PCDHA12: variants seen among roughly 807,000 people sequenced by gnomAD.
PCDHA12 encodes the protein protocadherin alpha 12, also known as protocadherin alpha-12.
PCDHA12 carries 44 observed loss-of-function variants against 60.0 expected under a neutral mutation model. That is an observed-to-expected ratio of 0.73 (90% CI 0.58 to 0.94). The LOEUF (loss-of-function observed/expected upper bound fraction) is 0.94. PCDHA12 is among the 40% of genes least tolerant of loss of function. The pLI, the probability that PCDHA12 is intolerant of heterozygous loss-of-function variation, is 0.00. For synonymous variants in PCDHA12, 569 were observed against 553.0 expected (o/e 1.03, Z -0.40); for missense variants, 1,276 against 1,239.7 (o/e 1.03, Z -0.44).
rs782362312 is a variant in PCDHA12 at position 140,884,131 on chromosome 5, G to T, written c.2367+6292G>T. 4 of 1,613,396 alleles carry T rather than the reference G, an allele frequency of 2.5e-6. No individual in the cohort carries two copies. In the South Asian group the frequency reaches 3.3e-5, roughly 13 times the overall value. On this transcript the variant is annotated intron_variant, in intron 1 of 3. Coordinates refer to ENST00000398631, the MANE Select transcript of PCDHA12 (RefSeq NM_018903.4). ...TGGCGGCGGTCGGCGCGCGCATCCCGTTCCGCGTGGGGCTGTACACTGGCG... is the reference window on the plus strand; with the variant it reads ...TGGCGGCGGTCGGCGCGCGCATCCCTTTCCGCGTGGGGCTGTACACTGGCG...
At chr5:140,928,576 A>G in intron 1 of PCDHA12, 1 of 1,614,160 alleles carries the variant, frequency 6.2e-7, no homozygotes, top group South Asian at 1.1e-5. Flanking sequence ...CTTGCCCAGA[A>G]ATGGTTCTGT....
chr5:140,973,450 T>C (rs1326852534), intron 1 of PCDHA12, among the ~76,000 whole-genome samples: 1 of 152,250 alleles, frequency 6.6e-6, no homozygotes, highest in Non-Finnish European at 1.5e-5. Context: ...TTATAATGAC[T>C]GGGGCTGTTT....
intron 3 of PCDHA12, among the ~76,000 whole-genome samples, chr5:141,006,406 G>T (rs553100919): frequency 6.6e-6 from 1 of 151,932 alleles, no homozygotes; most frequent in African/African-American, 2.4e-5. Flanking sequence ...GTAGAGACGC[G>T]GTTTCACTGT....
At chr5:140,895,730 A>G (rs781978402) in intron 1 of PCDHA12, among the ~76,000 whole-genome samples, 4 of 152,280 alleles carry the variant, frequency 2.6e-5, no homozygotes, top group Middle Eastern at 3.4e-3. Flanking sequence ...CCTCCATTCA[A>G]TGGGCTGCAA....
intron 3 of PCDHA12, among the ~76,000 whole-genome samples, chr5:141,002,946 G>A (rs2098104148): frequency 6.6e-6 from 1 of 152,180 alleles, no homozygotes; most frequent in African/African-American, 2.4e-5. Flanking sequence ...TCCAGCACAT[G>A]CCCCTCTGAG....
At chr5:140,928,204 G>A (rs1554205615) in intron 1 of PCDHA12, 4 of 1,614,236 alleles carry the variant, frequency 2.5e-6, no homozygotes, top group Middle Eastern at 1.6e-4. Flanking sequence ...AGTTGCTGAT[G>A]TGAATGACAA....
intron 1 of PCDHA12, among the ~76,000 whole-genome samples, chr5:140,890,025 T>G (rs1438426095): frequency 2.0e-5 from 3 of 152,178 alleles, no homozygotes; most frequent in African/African-American, 7.2e-5. Context: ...TGTAGAAGGC[T>G]TCAGGTGACT....
chr5:140,887,101 C>CT (rs200717289), intron 1 of PCDHA12, among the ~76,000 whole-genome samples: 1,545 of 145,196 alleles, frequency 0.011, 15 homozygotes, highest in African/African-American at 0.022. Flanking sequence ...ATCTTTATCT[C>CT]TTTTTTTTTT....
intron 1 of PCDHA12, among the ~76,000 whole-genome samples, chr5:140,894,100 G>C (rs1554185932): frequency 2.0e-5 from 3 of 151,990 alleles, no homozygotes; most frequent in African/African-American, 7.3e-5. Context: ...CTAGCTCCTG[G>C]TGTTGCAGAT....
At chr5:140,893,385 G>A (rs2063961874) in intron 1 of PCDHA12, among the ~76,000 whole-genome samples, 1 of 152,138 alleles carries the variant, frequency 6.6e-6, no homozygotes, top group South Asian at 2.1e-4. Flanking sequence ...TGGGACAGTG[G>A]CTCATGCCTG....
chr5:140,966,702 G>T, intron 1 of PCDHA12: 1 of 1,367,880 alleles, frequency 7.3e-7, no homozygotes. Flanking sequence ...GCCCGGGCGT[G>T]GGGCACGGCT....
intron 1 of PCDHA12, among the ~76,000 whole-genome samples, chr5:140,886,682 G>A (rs181377286): frequency 6.6e-6 from 1 of 151,618 alleles, no homozygotes. Context: ...AAAAATTAGC[G>A]AGGCATGGTG....
At chr5:140,886,631 G>T (rs1314948402) in intron 1 of PCDHA12, among the ~76,000 whole-genome samples, 1 of 151,860 alleles carries the variant, frequency 6.6e-6, no homozygotes. Context: ...TCCGAGACCA[G>T]CCTGGCCAAC....
rs546789240 is a variant in PCDHA12 at position 140,938,168 on chromosome 5, G to A, written c.2368-40781G>A. Among the ~76,000 whole-genome samples, 6 of 152,184 alleles carry A rather than the reference G, an allele frequency of 3.9e-5. No homozygotes were observed. The South Asian group carries it at 1.2e-3, about 32-fold the overall frequency. Reference sequence around the variant, plus strand: ...ACTACATTGCCCAGGCTAGTCTGGAGCTCCTGGGCTCAAGCAATCCTCCCA... The same window carrying A: ...ACTACATTGCCCAGGCTAGTCTGGAACTCCTGGGCTCAAGCAATCCTCCCA... On this transcript the variant is annotated intron_variant, in intron 1 of 3. Coordinates refer to ENST00000398631, the MANE Select transcript of PCDHA12 (RefSeq NM_018903.4).
At chr5:140,940,470 A>AT (rs201096499) in intron 1 of PCDHA12, among the ~76,000 whole-genome samples, 9 of 149,600 alleles carry the variant, frequency 6.0e-5, no homozygotes, top group East Asian at 5.9e-4. Context: ...GTTCCCTGCA[A>AT]TTTTTTTTTT....
chr5:140,968,694 G>A, intron 1 of PCDHA12: 1 of 1,614,092 alleles, frequency 6.2e-7, no homozygotes, highest in Non-Finnish European at 8.5e-7. Flanking sequence ...GGAGAAATTA[G>A]GACTACCAGG....
intron 1 of PCDHA12, chr5:140,967,008 A>C: frequency 6.2e-7 from 1 of 1,606,216 alleles, no homozygotes. Context: ...CGCATCAACC[A>C]TCTGGGTGCG....
chr5:140,986,042 C>T (rs1344724281), intron 3 of PCDHA12, among the ~76,000 whole-genome samples: 1 of 152,104 alleles, frequency 6.6e-6, no homozygotes, highest in Admixed American at 6.5e-5. Context: ...CCTGGCCTCA[C>T]TGATGAATTC....
At chr5:140,957,734 T>C (rs559180968) in intron 1 of PCDHA12, among the ~76,000 whole-genome samples, 2 of 152,240 alleles carry the variant, frequency 1.3e-5, no homozygotes, top group Admixed American at 6.5e-5. Flanking sequence ...GAATTATATA[T>C]ACTGACATGA....
Sources: allele counts gnomAD v4.1 joint callset (sites outside exome capture counted in the v4.1 genomes callset), GRCh38; gene constraint gnomAD v4.1.1; transcripts MANE v1.5; gene names NCBI Gene and HGNC (gene_info 2026-07-23, HGNC 2026-07-21).